ABCD3: variants seen among roughly 807,000 people sequenced by gnomAD.
ABCD3 encodes the protein ATP-binding cassette sub-family D member 3.
A neutral mutation model predicts 105.5 loss-of-function variants in ABCD3; 41 were observed. The ratio of observed to expected loss-of-function variants is 0.39; its 90% CI spans 0.30 to 0.50. The LOEUF is 0.50. Ranked by LOEUF, ABCD3 falls within the 20% of genes least tolerant of loss-of-function variation. The probability of loss-of-function intolerance (pLI) is 0.84; values close to 1 mark genes in which losing one functional copy is unlikely to be tolerated. For missense variants in ABCD3, 622 were observed against 806.3 expected (o/e 0.77, Z 2.77); for synonymous variants, 258 against 269.0 (o/e 0.96, Z 0.40).
chr1:94,418,555 T>G lies in ABCD3; in HGVS notation c.77T>G (p.Leu26Arg), dbSNP rs745962477. 6.2e-7 allele frequency: 1 copy of G among 1,603,686 alleles called. No homozygotes were observed. Residue 26 changes from leucine to arginine, a missense_variant, in exon 1 of 23, where the codon CTC becomes CGC. Physicochemically the swap from Leu to Arg is moderately radical, Grantham distance 102. Coordinates refer to ENST00000370214, the MANE Select transcript of ABCD3 (RefSeq NM_002858.4). ...AGAAFLLLCLLHKRRRALGLH... is the reference protein window; with the variant it reads ...AGAAFLLLCLRHKRRRALGLH... ...GCCGCGTTCCTGCTGCTCTGCCTGC[T>G]CCACAAGCGGCGCCGCGCCCTCGGC...
chr1:94,391,363 G>A, the ABCD3 span, among the ~76,000 whole-genome samples: 6 of 151,998 alleles, frequency 3.9e-5, no homozygotes, highest in Admixed American at 6.6e-5. Context: ...ACTCTCTGTC[G>A]CCCTCGTCAG....
chr1:94,417,059 G>A (rs1400315785), upstream of ABCD3, among the ~76,000 whole-genome samples: 1 of 152,152 alleles, frequency 6.6e-6, no homozygotes, highest in Admixed American at 6.5e-5. Context: ...AAATTTGTAT[G>A]CCTTTTCTCC....
At chr1:94,498,057 TATCA>T (rs1456698356) in intron 16 of ABCD3, among the ~76,000 whole-genome samples, 3 of 152,178 alleles carry the variant, frequency 2.0e-5, no homozygotes, top group Admixed American at 6.6e-5. Flanking sequence ...AAGTTGATGA[TATCA>T]ATCAGTCAGT....
At chr1:94,395,434 G>C in the ABCD3 span, among the ~76,000 whole-genome samples, 1 of 152,170 alleles carries the variant, frequency 6.6e-6, no homozygotes, top group Admixed American at 6.5e-5. Context: ...AAACCGGTGA[G>C]AGCTGTAGTA....
chr1:94,425,209 TAAA>T (rs1198981541), intron 1 of ABCD3, among the ~76,000 whole-genome samples: 1 of 152,216 alleles, frequency 6.6e-6, no homozygotes, highest in Non-Finnish European at 1.5e-5. Flanking sequence ...TTAAGAAAAT[TAAA>T]AATCATCCAT....
chr1:94,418,344 GCCAGGGGGCGGTCCTGCGCGGCCGGC>G (rs922108919), upstream of ABCD3: 25 of 613,544 alleles, frequency 4.1e-5, no homozygotes, highest in African/African-American at 4.5e-4. Flanking sequence ...GGCGGCGCGA[GCCAGGGGGCGGTCCTGCGCGGCCGGC>G]CCCGCCCTCT....
rs1659103842 is a variant in ABCD3, at chr1:94,418,392, A to G, written c.-87A>G. Reference sequence around the variant, plus strand: ...CGGCCCCGCCCTCTGCTCTCCTCCCAGTCTCCCCCGCGCTGCGTGCAGTAA... The same window carrying G: ...CGGCCCCGCCCTCTGCTCTCCTCCCGGTCTCCCCCGCGCTGCGTGCAGTAA... On this transcript the variant is annotated 5_prime_UTR_variant, in exon 1 of 23. Coordinates refer to ENST00000370214, the MANE Select transcript of ABCD3 (RefSeq NM_002858.4). 3 of 1,204,140 alleles carry G rather than the reference A, an allele frequency of 2.5e-6. No individual in the cohort carries two copies. The South Asian group carries it at 3.9e-5, about 16-fold the overall frequency. The allele number at this position is 1,204,140 out of a possible 1,614,324, so 74.6% of individuals were successfully genotyped here.
At chr1:94,496,142 C>T (rs1649787186) in intron 16 of ABCD3, among the ~76,000 whole-genome samples, 1 of 152,094 alleles carries the variant, frequency 6.6e-6, no homozygotes, top group African/African-American at 2.4e-5. Flanking sequence ...AATTTAGTGG[C>T]ATTAAGTACA....
At chr1:94,388,194 A>G in the ABCD3 span, among the ~76,000 whole-genome samples, 4 of 152,350 alleles carry the variant, frequency 2.6e-5, no homozygotes, top group Middle Eastern at 3.4e-3. Context: ...ATAAAACATA[A>G]TTCCCATGAA....
At chr1:94,459,842 A>G (rs1647781222) in intron 2 of ABCD3, among the ~76,000 whole-genome samples, 1 of 152,204 alleles carries the variant, frequency 6.6e-6, no homozygotes. Flanking sequence ...TGGACATTTC[A>G]AATAAATGAA....
At chr1:94,469,728 C>T (rs905341610) in intron 4 of ABCD3, among the ~76,000 whole-genome samples, 10 of 143,512 alleles carry the variant, frequency 7.0e-5, no homozygotes, top group African/African-American at 1.3e-4. Context: ...TGCAGCGGCG[C>T]GATCTCAGCT....
At chr1:94,509,824 C>T (rs921144922) in intron 21 of ABCD3, among the ~76,000 whole-genome samples, 2 of 152,000 alleles carry the variant, frequency 1.3e-5, no homozygotes, top group African/African-American at 4.8e-5. Context: ...TTTGTGGGAT[C>T]GGTGGTGATA....
chr1:94,494,735 A>G (rs1649713731), intron 16 of ABCD3, among the ~76,000 whole-genome samples: 1 of 152,206 alleles, frequency 6.6e-6, no homozygotes, highest in African/African-American at 2.4e-5. Flanking sequence ...TCCCCAGTAC[A>G]GACATATTTA....
intron 1 of ABCD3, among the ~76,000 whole-genome samples, chr1:94,424,407 C>G (rs1659387056): frequency 1.3e-5 from 2 of 151,990 alleles, no homozygotes; most frequent in Admixed American, 1.3e-4. Context: ...CCTTCTATTG[C>G]CATTCGATTT....
chr1:94,417,075 AT>A (rs970915720), upstream of ABCD3, among the ~76,000 whole-genome samples: 29 of 152,014 alleles, frequency 1.9e-4, no homozygotes, highest in African/African-American at 7.0e-4. Flanking sequence ...TCTCCTATTA[AT>A]TTTTTCTTCT....
At chr1:94,472,444 T>A (rs1570789595) in intron 4 of ABCD3, among the ~76,000 whole-genome samples, 1 of 138,722 alleles carries the variant, frequency 7.2e-6, no homozygotes, top group East Asian at 2.0e-4. Flanking sequence ...TTAACTTTCT[T>A]GTAGTTAGCG....
intron 16 of ABCD3, among the ~76,000 whole-genome samples, chr1:94,492,548 G>C (rs1277849599): frequency 6.6e-6 from 1 of 152,116 alleles, no homozygotes; most frequent in Non-Finnish European, 1.5e-5. Context: ...ATATTGACTG[G>C]CTCCACATAT....
intron 3 of ABCD3, among the ~76,000 whole-genome samples, chr1:94,467,454 A>G (rs1364963832): frequency 1.3e-5 from 2 of 152,226 alleles, no homozygotes; most frequent in African/African-American, 4.8e-5. Context: ...AAATTTTTCT[A>G]ACAAATTAAA....
intron 1 of ABCD3, among the ~76,000 whole-genome samples, chr1:94,456,527 C>G (rs1036365840): frequency 7.9e-5 from 12 of 151,716 alleles, no homozygotes; most frequent in African/African-American, 2.9e-4. Flanking sequence ...GTCCTCCCGC[C>G]TCGGGCTTCC....
Sources: allele counts gnomAD v4.1 joint callset (sites outside exome capture counted in the v4.1 genomes callset), GRCh38; gene constraint gnomAD v4.1.1; transcripts MANE v1.5; gene names NCBI Gene and HGNC (gene_info 2026-07-23, HGNC 2026-07-21).